The following JAKMIP1 variants were observed in gnomAD, a reference collection of about 807,000 sequenced individuals.
JAKMIP1 encodes the protein janus kinase and microtubule interacting protein 1, also known as janus kinase and microtubule-interacting protein 1.
Under a neutral mutation model 113.0 loss-of-function variants are expected in JAKMIP1, and 33 were observed. The ratio of observed to expected loss-of-function variants is 0.29; its 90% CI spans 0.22 to 0.39. JAKMIP1 has a LOEUF of 0.39. Ranked by LOEUF, JAKMIP1 falls within the 10% of genes least tolerant of loss-of-function variation. The pLI is 1.00. For missense variants in JAKMIP1, 813 were observed against 1,080.5 expected, an observed-to-expected ratio of 0.75 and a Z score of 3.47; for synonymous variants, 480 against 459.9, an observed-to-expected ratio of 1.04 and a Z score of -0.56.
chr4:6,112,884 G>A lies in JAKMIP1; in HGVS notation c.-34C>T, dbSNP rs187424971. 2.2e-5 allele frequency: 35 copies of A among 1,602,728 alleles called. No homozygotes were observed. In the Admixed American group the frequency reaches 2.3e-4, roughly 11 times the overall value. On this transcript the variant is annotated 5_prime_UTR_variant, in exon 2 of 21. Coordinates refer to ENST00000409021, the MANE Select transcript of JAKMIP1 (RefSeq NM_001099433.2). ...TTGGGTCAGAGTGCTGAGATCCTGC[G>A]GTCCACACCTGTTCACGCACGCCAG...
In JAKMIP1 at chr4:6,062,270, C is replaced by G. The variant is rs756233639; in HGVS notation, c.1560+42G>C. ...TCTGGAAAGGACCTACATGACCTGG[C>G]CTTCGGCCCCTCCCTCGAGCCCTGA... is the stretch of plus-strand genomic sequence containing the variant. On this transcript the variant is annotated intron_variant, in intron 10 of 20. Transcript: ENST00000409021. 7 of 1,609,144 alleles carry G rather than the reference C, an allele frequency of 4.4e-6. No homozygotes were observed. In the African/African-American group the frequency reaches 9.4e-5, roughly 22 times the overall value.
At chr4:6,085,132 T>C (rs1721109485) in intron 4 of JAKMIP1, among the ~76,000 whole-genome samples, 167 bp from the exon 5 acceptor site, 1 of 151,988 alleles carries the variant, frequency 6.6e-6, no homozygotes, top group Non-Finnish European at 1.5e-5. Flanking sequence ...ACTGCACACC[T>C]GCGGAAGACT....
chr4:6,115,236 G>A (rs1008471664), intron 1 of JAKMIP1, among the ~76,000 whole-genome samples: 8 of 152,058 alleles, frequency 5.3e-5, no homozygotes, highest in African/African-American at 1.9e-4. Context: ...TGATGAAACT[G>A]CCTCTCTACT....
intron 8 of JAKMIP1, among the ~76,000 whole-genome samples, chr4:6,073,367 G>C (rs1719253496): frequency 6.6e-6 from 1 of 152,210 alleles, no homozygotes; most frequent in Admixed American, 6.5e-5. Flanking sequence ...CAGACCCAGA[G>C]TCATTTGGGG....
chr4:6,103,645 A>G (rs1713443088), intron 3 of JAKMIP1, among the ~76,000 whole-genome samples: 1 of 152,258 alleles, frequency 6.6e-6, no homozygotes, highest in African/African-American at 2.4e-5. Flanking sequence ...CTTTCTTCAT[A>G]GGAAAATTAT....
intron 19 of JAKMIP1, among the ~76,000 whole-genome samples, chr4:6,030,106 G>A (rs1249252813): frequency 3.3e-5 from 5 of 152,132 alleles, no homozygotes; most frequent in African/African-American, 1.2e-4. Flanking sequence ...TTCTTAAGAG[G>A]GGATCTTTTA....
chr4:6,050,819 G>T lies in JAKMIP1; in HGVS notation c.1807-140C>A. On this transcript the variant is annotated intron_variant, in intron 13 of 20. Coordinates refer to ENST00000409021, the MANE Select transcript of JAKMIP1 (RefSeq NM_001099433.2). This position sits in a 1 kb window ranked among gnomAD's most constrained non-coding sequence, Gnocchi z 7.4. ...AAAGCACGAGTTCGGACTAGAAGCA[G>T]CCTCGTCCGTGAGCTACGACGTTTT... The T allele has an allele frequency of 1.5e-6, 1 of 657,656 alleles. No homozygotes were observed. Among genetic ancestry groups the T allele is most frequent in the Non-Finnish European group, 2.7e-6 (1 of 372,680 alleles). 40.7% of individuals were successfully genotyped at this position (657,656 alleles called of 1,614,324 possible). A position where few individuals can be genotyped will look rare whatever the true frequency, so the allele number is the denominator to read the frequency against.
intron 19 of JAKMIP1, among the ~76,000 whole-genome samples, chr4:6,032,720 C>T (rs1001391871): frequency 6.6e-5 from 10 of 152,074 alleles, no homozygotes; most frequent in African/African-American, 1.7e-4. Flanking sequence ...AGCTCCATGA[C>T]GGCCAGCAGG....
At chr4:6,134,901 C>T (rs932936047) in intron 1 of JAKMIP1, among the ~76,000 whole-genome samples, 2 of 152,012 alleles carry the variant, frequency 1.3e-5, no homozygotes, top group African/African-American at 4.8e-5. Context: ...GCCCAAAACA[C>T]GCAGTGTAGA....
intron 11 of JAKMIP1, among the ~76,000 whole-genome samples, chr4:6,057,284 G>A (rs1716609064): frequency 6.6e-6 from 1 of 152,254 alleles, no homozygotes; most frequent in South Asian, 2.1e-4. Flanking sequence ...GGGGGACTCT[G>A]TGAATCCCGG....
In JAKMIP1 at chr4:6,176,639, GC is replaced by G. The variant is rs1330379335; in HGVS notation, c.-148+23613del. ...TTTACAAATGGGGAAACTGAGGCTT[GC>G]AGTGGTAGAATGACTCACCCAAGGT... is the stretch of plus-strand genomic sequence containing the variant. On this transcript the variant is annotated intron_variant, in intron 1 of 20. Coordinates refer to ENST00000409021, the MANE Select transcript of JAKMIP1 (RefSeq NM_001099433.2). This position sits in a 1 kb window ranked among gnomAD's most constrained non-coding sequence, Gnocchi z 5.5. Among the ~76,000 whole-genome samples, 1 of 152,192 alleles carries G rather than the reference GC, an allele frequency of 6.6e-6. No homozygotes were observed. The highest frequency in any genetic ancestry group is 1.5e-5 in the Non-Finnish European group (1 of 68,034).
chr4:6,085,794 C>A (rs553266228), intron 3 of JAKMIP1, among the ~76,000 whole-genome samples, 165 bp from the exon 4 acceptor site: 67 of 152,332 alleles, frequency 4.4e-4, no homozygotes, highest in Non-Finnish European at 9.1e-4. Flanking sequence ...GCCCGCAGCC[C>A]AGGGCTTGTT....
chr4:6,117,644 T>G (rs1303937309), intron 1 of JAKMIP1, among the ~76,000 whole-genome samples: 33 of 152,086 alleles, frequency 2.2e-4, no homozygotes, highest in African/African-American at 8.0e-4. Context: ...GAATTTCCTC[T>G]TCCTAATAAG....
rs547804294 is a variant in JAKMIP1 at position 6,076,781 on chromosome 4, A to G, written c.1302+2158T>C. On this transcript the variant is annotated intron_variant, in intron 8 of 20. Transcript: ENST00000409021. This position sits in a 1 kb window ranked among gnomAD's most constrained non-coding sequence, Gnocchi z 4.8. ...GATGGGACCCAAGTCTAAACATGAA[A>G]TTCATTTGTTTCATATACACTTTAT... is the stretch of plus-strand genomic sequence containing the variant. Among the ~76,000 whole-genome samples, 41 of 152,350 alleles carry G rather than the reference A, an allele frequency of 2.7e-4. 1 individual carries two copies. In the South Asian group the frequency reaches 8.3e-3, roughly 31 times the overall value.
At chr4:6,169,899 A>G (rs1304438638) in intron 1 of JAKMIP1, among the ~76,000 whole-genome samples, 1 of 151,070 alleles carries the variant, frequency 6.6e-6, no homozygotes, top group Non-Finnish European at 1.5e-5. Flanking sequence ...AGTGCCTACA[A>G]TGCACTCTGT....
chr4:6,054,188 A>G, intron 12 of JAKMIP1, 40 bp from the exon 13 acceptor site: 1 of 1,606,578 alleles, frequency 6.2e-7, no homozygotes, highest in Non-Finnish European at 8.5e-7. Context: ...GATGGGTGGG[A>G]GCACTGGGGT....
intron 1 of JAKMIP1, among the ~76,000 whole-genome samples, chr4:6,128,614 G>A (rs1164762387): frequency 2.0e-5 from 3 of 152,178 alleles, no homozygotes; most frequent in Admixed American, 6.5e-5. Flanking sequence ...CAGCCCGGAT[G>A]AGCAAACACG....
chr4:6,159,909 A>G (rs931159987), intron 1 of JAKMIP1, among the ~76,000 whole-genome samples: 3 of 152,212 alleles, frequency 2.0e-5, no homozygotes, highest in African/African-American at 7.2e-5. Flanking sequence ...TGTTCATCAT[A>G]CCTGCTGTAG....
chr4:6,047,889 T>C (rs1395751493), intron 16 of JAKMIP1, among the ~76,000 whole-genome samples: 1 of 152,242 alleles, frequency 6.6e-6, no homozygotes, highest in African/African-American at 2.4e-5. Flanking sequence ...ATCAGGAATG[T>C]GTTTTGTAAC....
Sources: gnomAD v4.1 joint callset for allele counts (sites outside exome capture counted in the v4.1 genomes callset) on GRCh38, gnomAD v4.1.1 for gene constraint, Gnocchi (gnomAD v3.1) non-coding constraint, MANE v1.5 for transcripts, NCBI Gene and HGNC (gene_info 2026-07-23, HGNC 2026-07-21) for gene names.